Variants in H1-3 observed in about 807,000 individuals in gnomAD.
H1-3 encodes the protein H1.3 linker histone, cluster member.
Under a neutral mutation model 3.6 loss-of-function variants are expected in H1-3, and 4 were observed. The observed-to-expected ratio is 1.12, with a 90% CI of 0.55 to 2.57. The LOEUF (loss-of-function observed/expected upper bound fraction) is 2.57, where lower values mean the gene tolerates loss of function less well. Among genes scored for constraint, H1-3 ranks in the 30% most tolerant of loss-of-function variants. H1-3 has a pLI of 0.02. For synonymous variants in H1-3, 266 were observed against 110.0 expected, an observed-to-expected ratio of 2.42 and a Z score of -8.87; for missense variants, 670 against 274.3, an observed-to-expected ratio of 2.44 and a Z score of -10.19.
Position 26,234,685 on chromosome 6 carries a change from A to G in H1-3, c.249T>C (p.Leu83=), listed in dbSNP as rs1429775835. Residue 83 remains leucine (L), a synonymous_variant, in exon 1 of 1, where the codon CTT becomes CTC. Transcript: ENST00000244534. ...CTTTGCTCACCAAGCTCTTGAGGCC[A>G]AGCTTGATACGGCTGTTGTTTTTTT... is the stretch of plus-strand genomic sequence containing the variant. ...DVEKNNSRIK[L]GLKSLVSKGT... is the part of the protein sequence containing the mutation. 1.9e-6 allele frequency: 3 copies of G among 1,614,130 alleles called. No homozygotes were observed. The highest frequency in any genetic ancestry group is 2.2e-5 in the East Asian group (1 of 44,884).
Position 26,234,369 on chromosome 6 carries a change from T to C in H1-3, c.565A>G (p.Ser189Gly). The part of the protein sequence containing the change: ...KTPQPKKAAK[S>G]PAKAKAPKPK... ...TTAGGGGCTTTGGCCTTAGCTGGAC[T>C]CTTGGCAGCTTTTTTTGGCTGAGGT... is the stretch of plus-strand genomic sequence containing the variant. Residue 189 changes from serine to glycine, a missense_variant, in exon 1 of 1, where the codon AGT becomes GGT. Ser to Gly is a moderately conservative substitution (Grantham distance 56). Coordinates refer to ENST00000244534, the MANE Select transcript of H1-3 (RefSeq NM_005320.3). 6.2e-7 allele frequency: 1 copy of C among 1,614,246 alleles called. No individual in the cohort carries two copies. The highest frequency in any genetic ancestry group is 8.5e-7 in the Non-Finnish European group (1 of 1,180,044).
At position 26,234,758 on chromosome 6, in the gene H1-3, G is replaced by GA. The variant is rs1561996220; in HGVS notation, c.175dup (p.Ser59PhefsTer6). 1.9e-6 allele frequency: 3 copies of GA among 1,614,170 alleles called. No individual in the cohort carries two copies. The highest frequency in any genetic ancestry group is 1.7e-6 in the Non-Finnish European group (2 of 1,180,032). ...AAGCGCTTTCTTAAGCGCGGCCAGA[G>GA]AAACGCCGCTGCGCTCCTTAGAAGC... On this transcript the variant is annotated frameshift_variant, in exon 1 of 1. Coordinates refer to ENST00000244534, the MANE Select transcript of H1-3 (RefSeq NM_005320.3). LOFTEE classifies it high-confidence loss of function.
Position 26,234,591 on chromosome 6 carries a change from CG to C in H1-3, c.342del (p.Glu116LysfsTer44). ...TTTTTGGCCTTGGGTTTGCCTTCCCCGGAAGCCGCTTTCTTGTTGAGTTTGA... is the reference window on the plus strand; with the variant it reads ...TTTTTGGCCTTGGGTTTGCCTTCCCCGAAGCCGCTTTCTTGTTGAGTTTGA... ...GSFKLNKKAA[S>X]GEGKPKAKKA... On this transcript the variant is annotated frameshift_variant, in exon 1 of 1. Coordinates refer to ENST00000244534, the MANE Select transcript of H1-3 (RefSeq NM_005320.3). LOFTEE classifies it high-confidence loss of function. 6.2e-7 allele frequency: 1 copy of C among 1,613,924 alleles called. No homozygotes were observed. Among genetic ancestry groups the C allele is most frequent in the South Asian group, 1.1e-5 (1 of 91,072 alleles).
rs747074146 is a variant in H1-3, at chr6:26,234,509, A to C, written c.425T>G (p.Val142Gly). The C allele has an allele frequency of 6.2e-7, 1 of 1,613,846 alleles. No homozygotes were observed. The highest frequency in any genetic ancestry group is 8.5e-7 in the Non-Finnish European group (1 of 1,179,994). Residue 142 changes from valine (V) to glycine (G), a missense_variant, in exon 1 of 1, where the codon GTG (valine) becomes GGG (glycine). Coordinates refer to ENST00000244534, the MANE Select transcript of H1-3 (RefSeq NM_005320.3). ...TTTCTTCGGGGTAGCGGCGCCAGCC[A>C]CCTTCTTGGGCTTCTTGGCTGCCCC... ...PAGAAKKPKK[V>G]AGAATPKKSI...
chr6:26,234,349 G>T lies in H1-3; in HGVS notation c.585C>A (p.Ala195=). 2.5e-6 allele frequency: 4 copies of T among 1,614,206 alleles called. No homozygotes were observed. Among genetic ancestry groups the T allele is most frequent in the Non-Finnish European group, 3.4e-6 (4 of 1,180,030 alleles). ...KAAKSPAKAK[A]PKPKAAKPKS... ...TAGGCTTGGCCGCCTTGGGCTTAGG[G>T]GCTTTGGCCTTAGCTGGACTCTTGG... The change falls in exon 1 of 1, where the codon GCC becomes GCA. Residue 195 remains alanine, a synonymous_variant. Transcript: ENST00000244534.
chr6:26,234,848 G>T lies in H1-3; in HGVS notation c.86C>A (p.Ala29Glu). ...PVKKKAKKAG[A>E]TAGKRKASGP... ...GGATGCTTTGCGTTTCCCAGCAGTT[G>T]CGCCTGCCTTCTTCGCCTTTTTCTT... The change falls in exon 1 of 1, where the codon GCA becomes GAA. Residue 29 changes from alanine (A) to glutamate (E), a missense_variant. Physicochemically the swap from Ala to Glu is moderately radical, Grantham distance 107. Transcript: ENST00000244534. 2.5e-6 allele frequency: 4 copies of T among 1,614,186 alleles called. No individual in the cohort carries two copies. Among genetic ancestry groups the T allele is most frequent in the Non-Finnish European group, 3.4e-6 (4 of 1,180,036 alleles).
chr6:26,234,858 T>G lies in H1-3; in HGVS notation c.76A>C (p.Lys26Gln). 1 of 1,614,088 alleles carries G rather than the reference T, an allele frequency of 6.2e-7. No individual in the cohort carries two copies. The highest frequency in any genetic ancestry group is 8.5e-7 in the Non-Finnish European group (1 of 1,180,008). Residue 26 changes from lysine to glutamine, a missense_variant, in exon 1 of 1, where the codon AAG (lysine) becomes CAG (glutamine). Transcript: ENST00000244534. ...CGTTTCCCAGCAGTTGCGCCTGCCTTCTTCGCCTTTTTCTTCACAGGTGTT... is the reference window on the plus strand; with the variant it reads ...CGTTTCCCAGCAGTTGCGCCTGCCTGCTTCGCCTTTTTCTTCACAGGTGTT... Reference protein sequence around the residue: ...EKTPVKKKAKKAGATAGKRKA... With the variant: ...EKTPVKKKAKQAGATAGKRKA...
chr6:26,234,814 T>C lies in H1-3; in HGVS notation c.120A>G (p.Pro40=), dbSNP rs1306067233. The C allele has an allele frequency of 6.2e-6, 10 of 1,614,116 alleles. 1 individual carries two copies. The South Asian group carries it at 8.8e-5, about 14-fold the overall frequency. Residue 40 remains proline, a synonymous_variant, in exon 1 of 1, where the codon CCA becomes CCG. Coordinates refer to ENST00000244534, the MANE Select transcript of H1-3 (RefSeq NM_005320.3). ...TAGKRKASGP[P]VSELITKAVA... ...CTGCCTTGGTGATAAGCTCAGATACTGGGGGTCCGGATGCTTTGCGTTTCC... is the reference window on the plus strand; with the variant it reads ...CTGCCTTGGTGATAAGCTCAGATACCGGGGGTCCGGATGCTTTGCGTTTCC...
chr6:26,234,450 G>A lies in H1-3; in HGVS notation c.484C>T (p.Pro162Ser), dbSNP rs1007656077. 4.3e-6 allele frequency: 7 copies of A among 1,613,968 alleles called. No individual in the cohort carries two copies. The highest frequency in any genetic ancestry group is 3.3e-5 in the Admixed American group (2 of 60,010). ...TTCTTGGTCCCAGCAGCGGTTGCTG[G>A]CTTCTTTACCTTCTTAGGAGTCTTT... ...IKKTPKKVKKPATAAGTKKVA... is the reference protein window; with the variant it reads ...IKKTPKKVKKSATAAGTKKVA... Residue 162 changes from proline to serine, a missense_variant, in exon 1 of 1, where the codon CCA (proline) becomes TCA (serine). Coordinates refer to ENST00000244534, the MANE Select transcript of H1-3 (RefSeq NM_005320.3).
Position 26,234,458 on chromosome 6 carries a change from A to C in H1-3, c.476T>G (p.Val159Gly), listed in dbSNP as rs777269032. ...CCCAGCAGCGGTTGCTGGCTTCTTT[A>C]CCTTCTTAGGAGTCTTTTTGATGCT... is the stretch of plus-strand genomic sequence containing the variant. ...KKSIKKTPKK[V>G]KKPATAAGTK... Residue 159 changes from valine (V) to glycine (G), a missense_variant, in exon 1 of 1, where the codon GTA (valine) becomes GGA (glycine). Coordinates refer to ENST00000244534, the MANE Select transcript of H1-3 (RefSeq NM_005320.3). 1 of 1,613,826 alleles carries C rather than the reference A, an allele frequency of 6.2e-7. No individual in the cohort carries two copies. Among genetic ancestry groups the C allele is most frequent in the Non-Finnish European group, 8.5e-7 (1 of 1,179,918 alleles).
rs896107272 is a variant in H1-3, at chr6:26,234,571, G to A, written c.363C>T (p.Ala121=). The A allele has an allele frequency of 3.7e-6, 6 of 1,612,826 alleles. No individual in the cohort carries two copies. Among genetic ancestry groups the A allele is most frequent in the Admixed American group, 1.7e-5 (1 of 59,754 alleles). ...TAGGCTTGGCTGCGCCAGCCTTTTT[G>A]GCCTTGGGTTTGCCTTCCCCGGAAG... is the stretch of plus-strand genomic sequence containing the variant. ...KAASGEGKPK[A]KKAGAAKPRK... Residue 121 remains alanine, a synonymous_variant, in exon 1 of 1, where the codon GCC becomes GCT. Coordinates refer to ENST00000244534, the MANE Select transcript of H1-3 (RefSeq NM_005320.3).
At position 26,234,539 on chromosome 6, in the gene H1-3, G is replaced by T; in HGVS notation, c.395C>A (p.Pro132His). Residue 132 changes from proline to histidine, a missense_variant, in exon 1 of 1, where the codon CCT becomes CAT. Pro to His is a moderately conservative substitution (Grantham distance 77). Coordinates refer to ENST00000244534, the MANE Select transcript of H1-3 (RefSeq NM_005320.3). The stretch of plus-strand genomic sequence containing the variant: ...CTTGGGCTTCTTGGCTGCCCCAGCA[G>T]GCTTCCTAGGCTTGGCTGCGCCAGC... ...KKAGAAKPRK[P>H]AGAAKKPKKV... The T allele has an allele frequency of 6.2e-7, 1 of 1,612,456 alleles. No homozygotes were observed. Among genetic ancestry groups the T allele is most frequent in the South Asian group, 1.1e-5 (1 of 90,968 alleles).
Position 26,234,273 on chromosome 6 carries a change from T to A in H1-3, c.661A>T (p.Lys221Ter), listed in dbSNP as rs1366469819. 6.3e-7 allele frequency: 1 copy of A among 1,586,976 alleles called. No individual in the cohort carries two copies. Among genetic ancestry groups the A allele is most frequent in the Non-Finnish European group, 8.5e-7 (1 of 1,171,930 alleles). The change falls in exon 1 of 1, where the codon AAG becomes TAG. Residue 221 changes from lysine (K) to a stop codon, truncating the protein, a stop_gained. Coordinates refer to ENST00000244534, the MANE Select transcript of H1-3 (RefSeq NM_005320.3). LOFTEE classifies it high-confidence loss of function. The part of the protein sequence containing the change: ...TKAKKAAPKK[K>*] ...AGGGGAACGTCCCGCCAGTTTCACTTTTTCTTCGGAGCTGCCTTCTTTGCC... is the reference window on the plus strand; with the variant it reads ...AGGGGAACGTCCCGCCAGTTTCACTATTTCTTCGGAGCTGCCTTCTTTGCC...
chr6:26,234,219 C>G lies in H1-3; in HGVS notation c.*49G>C, dbSNP rs775830149. The G allele has an allele frequency of 4.3e-5, 66 of 1,535,596 alleles. No homozygotes were observed. The highest frequency in any genetic ancestry group is 5.6e-5 in the Non-Finnish European group (64 of 1,142,556). On this transcript the variant is annotated 3_prime_UTR_variant, in exon 1 of 1. Coordinates refer to ENST00000244534, the MANE Select transcript of H1-3 (RefSeq NM_005320.3). ...TCTTTTGACTGAGACCTGTGGGTGG[C>G]TCTGAAAAGAGCCGTTTAAAATTTT...
rs1759723531 is a variant in H1-3, at chr6:26,234,311, G to C, written c.623C>G (p.Pro208Arg). ...PKAAKPKSGKPKVTKAKKAAP... is the reference protein window; with the variant it reads ...PKAAKPKSGKRKVTKAKKAAP... ...TGCCTTCTTTGCCTTTGTAACCTTC[G>C]GCTTCCCCGACTTAGGCTTGGCCGC... Residue 208 changes from proline (P) to arginine (R), a missense_variant, in exon 1 of 1, where the codon CCG (proline) becomes CGG (arginine). Pro to Arg is a moderately radical substitution (Grantham distance 103). Transcript: ENST00000244534. The C allele has an allele frequency of 2.5e-6, 4 of 1,609,828 alleles. No individual in the cohort carries two copies. The highest frequency in any genetic ancestry group is 1.7e-4 in the Middle Eastern group (1 of 6,042).
In H1-3 at chr6:26,234,636, T is replaced by A; in HGVS notation, c.298A>T (p.Thr100Ser). 1 of 1,614,164 alleles carries A rather than the reference T, an allele frequency of 6.2e-7. No homozygotes were observed. The highest frequency in any genetic ancestry group is 8.5e-7 in the Non-Finnish European group (1 of 1,180,022). The change falls in exon 1 of 1, where the codon ACC (threonine) becomes TCC (serine). Residue 100 changes from threonine to serine, a missense_variant. Transcript: ENST00000244534. ...SKGTLVQTKG[T>S]GASGSFKLNK... ...AGTTTGAAGGAGCCAGAAGCACCGG[T>A]ACCTTTGGTCTGCACCAGAGTACCT...
rs571636717 is a variant in H1-3 at position 26,234,664 on chromosome 6, G to A, written c.270C>T (p.Ser90=). 40 of 1,614,170 alleles carry A rather than the reference G, an allele frequency of 2.5e-5. No individual in the cohort carries two copies. Among genetic ancestry groups the A allele is most frequent in the Non-Finnish European group, 3.1e-5 (37 of 1,180,026 alleles). Residue 90 remains serine, a synonymous_variant, in exon 1 of 1, where the codon AGC becomes AGT. Coordinates refer to ENST00000244534, the MANE Select transcript of H1-3 (RefSeq NM_005320.3). ...RIKLGLKSLV[S]KGTLVQTKGT... is the part of the protein sequence containing the mutation. The stretch of plus-strand genomic sequence containing the variant: ...CTTTGGTCTGCACCAGAGTACCTTT[G>A]CTCACCAAGCTCTTGAGGCCAAGCT...
Position 26,234,898 on chromosome 6 carries a change from A to G in H1-3, c.36T>C (p.Pro12=), listed in dbSNP as rs765086445. 1.9e-6 allele frequency: 3 copies of G among 1,611,904 alleles called. No homozygotes were observed. The African/African-American group carries it at 4.0e-5, about 22-fold the overall frequency. ...TCACAGGTGTTTTTTCTGCGGGTGC[A>G]GGAATGGTAGGAGCAAGTGGAGCAG... ...SETAPLAPTI[P]APAEKTPVKK... Residue 12 remains proline (P), a synonymous_variant, in exon 1 of 1, where the codon CCT becomes CCC. Transcript: ENST00000244534.
In H1-3 at chr6:26,234,269, C is replaced by T. The variant is rs751406113; in HGVS notation, c.665G>A (p.Ter222=). The T allele has an allele frequency of 2.5e-6, 4 of 1,586,298 alleles. No homozygotes were observed. The highest frequency in any genetic ancestry group is 1.2e-5 in the South Asian group (1 of 86,572). Residue 222 remains the stop codon, a stop_retained_variant, in exon 1 of 1, where the codon TGA becomes TAA. Transcript: ENST00000244534. ...KAKKAAPKKK[*] is the part of the protein sequence containing the mutation. Reference sequence around the variant, plus strand: ...TCAAAGGGGAACGTCCCGCCAGTTTCACTTTTTCTTCGGAGCTGCCTTCTT... The same window carrying T: ...TCAAAGGGGAACGTCCCGCCAGTTTTACTTTTTCTTCGGAGCTGCCTTCTT...
Sources: gnomAD v4.1 joint callset for allele counts on GRCh38, gnomAD v4.1.1 for gene constraint, MANE v1.5 for transcripts, NCBI Gene and HGNC (gene_info 2026-07-23, HGNC 2026-07-21) for gene names.